Variants in CHADL observed in about 807,000 individuals in gnomAD.
CHADL encodes the protein chondroadherin like, also known as chondroadherin-like protein.
In CHADL, 48 loss-of-function variants were observed where a neutral mutation model predicts 52.1. That is an observed-to-expected ratio of 0.92 (90% CI 0.73 to 1.17). The LOEUF is 1.17. Ranked by LOEUF, CHADL falls within the 50% of genes most tolerant of loss-of-function variation. The probability of loss-of-function intolerance (pLI) is 0.00; values close to 1 mark genes in which losing one functional copy is unlikely to be tolerated. For missense variants in CHADL, 977 were observed against 1,035.1 expected (o/e 0.94, Z 0.77); for synonymous variants, 498 against 511.2 (o/e 0.97, Z 0.35).
At chr22:41,240,843 C>G (rs2032849843) in intron 1 of CHADL, 31 bp downstream of exon 1, 1 of 1,550,544 alleles carries the variant, frequency 6.4e-7, no homozygotes, top group Admixed American at 2.0e-5. Context: ...GCTCTGAATC[C>G]CCCCTTGCAC....
rs761068790 is a variant in CHADL at position 41,229,707 on chromosome 22, G to C, written c.2286C>G (p.Leu762=). 5 of 1,612,532 alleles carry C rather than the reference G, an allele frequency of 3.1e-6. No individual in the cohort carries two copies. The South Asian group carries it at 5.5e-5, about 18-fold the overall frequency. Residue 762 remains leucine, a synonymous_variant, in exon 6 of 6, where the codon CTC becomes CTG. Coordinates refer to ENST00000216241, the MANE Select transcript of CHADL (RefSeq NM_138481.2). The part of the protein sequence containing the change: ...ADKVGKEKGR[L] ...GCAGGACCAGCCTGCTCCGTGCTCAGAGACGACCCTTCTCCTTCCCCACCT... is the reference window on the plus strand; with the variant it reads ...GCAGGACCAGCCTGCTCCGTGCTCACAGACGACCCTTCTCCTTCCCCACCT...
intron 5 of CHADL, among the ~76,000 whole-genome samples, chr22:41,233,896 TC>T (rs1462637152): frequency 1.4e-4 from 21 of 152,322 alleles, no homozygotes; most frequent in African/African-American, 5.1e-4. Flanking sequence ...GAACTTCCTC[TC>T]CCTTTTGGAC....
intron 4 of CHADL, among the ~76,000 whole-genome samples, chr22:41,236,028 C>T (rs8137098): frequency 0.064 from 9,785 of 152,186 alleles, 822 homozygotes; most frequent in African/African-American, 0.19. Flanking sequence ...CCCACTACCA[C>T]GCCCAGCTAA....
rs1418248523 is a variant in CHADL, at chr22:41,237,651, C to T, written c.1421G>A (p.Arg474His). 3 of 1,544,554 alleles carry T rather than the reference C, an allele frequency of 1.9e-6. No individual in the cohort carries two copies. The South Asian group carries it at 3.6e-5, about 18-fold the overall frequency. Residue 474 changes from arginine to histidine, a missense_variant, in exon 3 of 6, where the codon CGC becomes CAC. Arg to His is a conservative substitution (Grantham distance 29). Transcript: ENST00000216241. The part of the protein sequence containing the change: ...LEAGALAGLG[R>H]LIYLYLSDNQ... Reference sequence around the variant, plus strand: ...GTCGGAGAGGTACAGGTAGATCAGGCGGCCCAGCCCGGCCAGGGCGCCCGC... The same window carrying T: ...GTCGGAGAGGTACAGGTAGATCAGGTGGCCCAGCCCGGCCAGGGCGCCCGC...
chr22:41,237,342 T>C lies in CHADL; in HGVS notation c.1730A>G (p.Asp577Gly), dbSNP rs1317729739. The C allele has an allele frequency of 3.2e-6, 5 of 1,550,514 alleles. No homozygotes were observed. The Admixed American group carries it at 9.8e-5, about 30-fold the overall frequency. Residue 577 changes from aspartate (D) to glycine (G), a missense_variant, in exon 3 of 6, where the codon GAC becomes GGC. Transcript: ENST00000216241. ...PARELEKLHLDRNQLREVPTG... is the reference protein window; with the variant it reads ...PARELEKLHLGRNQLREVPTG... ...GGGCACCTCTCGCAGCTGATTCCTGTCCAGGTGCAGCTTCTCCAGCTCCCG... is the reference window on the plus strand; with the variant it reads ...GGGCACCTCTCGCAGCTGATTCCTGCCCAGGTGCAGCTTCTCCAGCTCCCG...
At position 41,239,577 on chromosome 22, in the gene CHADL, C is replaced by T; in HGVS notation, c.52G>A (p.Val18Ile). The part of the protein sequence containing the change: ...THVPLVLPLL[V>I]LLLLAPARQA... ...CTAGCCGGGGCCAGCAGCAGAAGTA[C>T]AAGAAGCGGCAGCACCAAGGGGACA... Residue 18 changes from valine to isoleucine, a missense_variant, in exon 2 of 6, where the codon GTA (valine) becomes ATA (isoleucine). Physicochemically the swap from Val to Ile is conservative, Grantham distance 29. Transcript: ENST00000216241. 1 of 1,547,332 alleles carries T rather than the reference C, an allele frequency of 6.5e-7. No homozygotes were observed.
chr22:41,239,542 G>A lies in CHADL; in HGVS notation c.87C>T (p.Ala29=), dbSNP rs145310760. The stretch of plus-strand genomic sequence containing the variant: ...TGCAGGCCTGTGGGCAGCGCTGGGC[G>A]GCGGCCTGCCTAGCCGGGGCCAGCA... ...LLLLAPARQA[A]AQRCPQACIC... is the part of the protein sequence containing the mutation. Residue 29 remains alanine, a synonymous_variant, in exon 2 of 6, where the codon GCC becomes GCT. Coordinates refer to ENST00000216241, the MANE Select transcript of CHADL (RefSeq NM_138481.2). 242 of 1,548,762 alleles carry A rather than the reference G, an allele frequency of 1.6e-4. No homozygotes were observed. Among genetic ancestry groups the A allele is most frequent in the Admixed American group, 2.2e-4 (11 of 50,408 alleles).
Position 41,229,521 on chromosome 22 carries a change from A to T in CHADL, c.*183T>A. 2 of 1,603,276 alleles carry T rather than the reference A, an allele frequency of 1.2e-6. No homozygotes were observed. Among genetic ancestry groups the T allele is most frequent in the Non-Finnish European group, 1.7e-6 (2 of 1,171,902 alleles). On this transcript the variant is annotated 3_prime_UTR_variant, in exon 6 of 6. Coordinates refer to ENST00000216241, the MANE Select transcript of CHADL (RefSeq NM_138481.2). Reference sequence around the variant, plus strand: ...AAATACAACCCTAATGCTGGGTTTGAATCCATTTTTATTCAAAGGGAAAAG... The same window carrying T: ...AAATACAACCCTAATGCTGGGTTTGTATCCATTTTTATTCAAAGGGAAAAG...
Position 41,238,753 on chromosome 22 carries a change from G to A in CHADL, c.319C>T (p.Arg107Cys). ...EVELVAEGAFRGLGRLLLLNL... is the reference protein window; with the variant it reads ...EVELVAEGAFCGLGRLLLLNL... Reference sequence around the variant, plus strand: ...AGCAGGAGCAGGCGGCCCAGGCCACGGAAGGCGCCCTCGGCCACCAGCTCC... The same window carrying A: ...AGCAGGAGCAGGCGGCCCAGGCCACAGAAGGCGCCCTCGGCCACCAGCTCC... Residue 107 changes from arginine to cysteine, a missense_variant, in exon 3 of 6, where the codon CGT becomes TGT. Physicochemically the swap from Arg to Cys is radical, Grantham distance 180. Coordinates refer to ENST00000216241, the MANE Select transcript of CHADL (RefSeq NM_138481.2). This position sits in a 1 kb window ranked among gnomAD's most constrained non-coding sequence, Gnocchi z 4.9. 18 of 1,549,154 alleles carry A rather than the reference G, an allele frequency of 1.2e-5. No individual in the cohort carries two copies. Among genetic ancestry groups the A allele is most frequent in the Non-Finnish European group, 1.6e-5 (18 of 1,146,754 alleles).
At chr22:41,239,007 C>G (rs2032811107) in intron 2 of CHADL, 122 bp from the exon 3 acceptor site, 1 of 1,283,312 alleles carries the variant, frequency 7.8e-7, no homozygotes, top group Admixed American at 2.8e-5. Context: ...TTCATCCGAC[C>G]CCTGACACCT....
chr22:41,230,698 T>C (rs1378108097), intron 5 of CHADL: 2 of 162,674 alleles, frequency 1.2e-5, no homozygotes, highest in African/African-American at 4.8e-5. Context: ...CTGAGCAGGA[T>C]AAGGTCCCCT....
Position 41,237,516 on chromosome 22 carries a change from G to A in CHADL, c.1556C>T (p.Ala519Val), listed in dbSNP as rs369435165. ...FLQVPGAALR[A>V]LPSLFSLHLQ... Reference sequence around the variant, plus strand: ...GTGCAGGGAGAAGAGGCTGGGCAGGGCGCGCAGGGCAGCCCCTGGCACCTG... The same window carrying A: ...GTGCAGGGAGAAGAGGCTGGGCAGGACGCGCAGGGCAGCCCCTGGCACCTG... The change falls in exon 3 of 6, where the codon GCC becomes GTC. Residue 519 changes from alanine to valine, a missense_variant. Transcript: ENST00000216241. The A allele has an allele frequency of 2.6e-6, 4 of 1,550,390 alleles. No homozygotes were observed. The African/African-American group carries it at 5.5e-5, about 21-fold the overall frequency.
At chr22:41,240,423 C>T (rs1445018559) in intron 1 of CHADL, among the ~76,000 whole-genome samples, 1 of 152,240 alleles carries the variant, frequency 6.6e-6, no homozygotes, top group Non-Finnish European at 1.5e-5. Context: ...CAGGCATGGC[C>T]TCTCCCCCAT....
chr22:41,229,648 C>T lies in CHADL; in HGVS notation c.*56G>A. On this transcript the variant is annotated 3_prime_UTR_variant, in exon 6 of 6. Transcript: ENST00000216241. ...AGGAAGATCTCGTCGGAGCCTGTTC[C>T]TGGCGAGAGTAAGAGCCACCGGGCT... 6.2e-7 allele frequency: 1 copy of T among 1,613,552 alleles called. No homozygotes were observed. Among genetic ancestry groups the T allele is most frequent in the South Asian group, 1.1e-5 (1 of 91,040 alleles).
chr22:41,230,717 G>A (rs547537867), intron 5 of CHADL: 1 of 156,198 alleles, frequency 6.4e-6, no homozygotes, highest in Admixed American at 6.4e-5. Flanking sequence ...CTGACAGTGA[G>A]TTGTGTGGTG....
At chr22:41,237,130 C>G (rs570049066) in intron 3 of CHADL, 46 bp downstream of exon 3, 173 of 1,489,020 alleles carry the variant, frequency 1.2e-4, no homozygotes, top group Non-Finnish European at 1.5e-4. Context: ...TGCCTGTGGC[C>G]TTGTGCCGCC....
chr22:41,237,639 A>G lies in CHADL; in HGVS notation c.1433T>C (p.Leu478Pro), dbSNP rs895258667. 6.5e-7 allele frequency: 1 copy of G among 1,549,140 alleles called. No individual in the cohort carries two copies. The highest frequency in any genetic ancestry group is 8.7e-7 in the Non-Finnish European group (1 of 1,146,000). The change falls in exon 3 of 6, where the codon CTG becomes CCG. Residue 478 changes from leucine (L) to proline (P), a missense_variant. Leu to Pro is a moderately conservative substitution (Grantham distance 98). Transcript: ENST00000216241. Reference sequence around the variant, plus strand: ...TGCGAGCTGGTTGTCGGAGAGGTACAGGTAGATCAGGCGGCCCAGCCCGGC... The same window carrying G: ...TGCGAGCTGGTTGTCGGAGAGGTACGGGTAGATCAGGCGGCCCAGCCCGGC... ...ALAGLGRLIY[L>P]YLSDNQLAGL...
At chr22:41,234,364 C>CATTATTATTATT (rs71200674) in intron 5 of CHADL, among the ~76,000 whole-genome samples, 314 of 139,326 alleles carry the variant, frequency 2.3e-3, no homozygotes, top group Middle Eastern at 0.015. Context: ...GGAGGATGGA[C>CATTATTATTATT]ATTATTATTA....
intron 5 of CHADL, among the ~76,000 whole-genome samples, chr22:41,232,289 A>G (rs930849668): frequency 2.1e-4 from 31 of 150,638 alleles, no homozygotes; most frequent in South Asian, 4.2e-4. Context: ...CCGAGATTGC[A>G]CCACTGCACT....
Sources: gnomAD v4.1 joint callset for allele counts (sites outside exome capture counted in the v4.1 genomes callset) on GRCh38, gnomAD v4.1.1 for gene constraint, Gnocchi (gnomAD v3.1) non-coding constraint, MANE v1.5 for transcripts, NCBI Gene and HGNC (gene_info 2026-07-23, HGNC 2026-07-21) for gene names.